Variants in CPNE2 observed in about 807,000 individuals in gnomAD.
CPNE2 encodes the protein copine-2.
CPNE2 carries 42 observed loss-of-function variants against 69.7 expected under a neutral mutation model. That is an observed-to-expected ratio of 0.60 (90% confidence interval 0.47 to 0.78). The LOEUF is 0.78. CPNE2 is among the 30% of genes least tolerant of loss of function. The pLI, the probability that CPNE2 is intolerant of heterozygous loss-of-function variation, is 0.00. For synonymous variants in CPNE2, 294 were observed against 289.8 expected, an observed-to-expected ratio of 1.01 and a Z score of -0.15; for missense variants, 587 against 732.0, an observed-to-expected ratio of 0.80 and a Z score of 2.29.
chr16:57,137,127 C>G (rs373475158), intron 13 of CPNE2, 22 bp from the exon 14 acceptor site: 9 of 1,612,234 alleles, frequency 5.6e-6, no homozygotes, highest in Non-Finnish European at 7.6e-6. Context: ...CCTGGCTGAT[C>G]CAGACTCTTC....
At chr16:57,101,507 A>G (rs959758453) in intron 1 of CPNE2, among the ~76,000 whole-genome samples, 1 of 152,202 alleles carries the variant, frequency 6.6e-6, no homozygotes, top group Non-Finnish European at 1.5e-5. Flanking sequence ...GAGGTTGCAA[A>G]CTCAGAAGTC....
At position 57,128,127 on chromosome 16, in the gene CPNE2, G is replaced by T. The variant is rs564522606; in HGVS notation, c.1116+224G>T. ...TCTGTTTATGAGACCCATGTGGAGT[G>T]GGGGAGACAGATAGGATTGCCAGAT... On this transcript the variant is annotated intron_variant, in intron 12 of 15. Coordinates refer to ENST00000290776, the MANE Select transcript of CPNE2 (RefSeq NM_152727.6). Among the ~76,000 whole-genome samples, 5 of 152,256 alleles carry T rather than the reference G, an allele frequency of 3.3e-5. No homozygotes were observed. In the South Asian group the frequency reaches 1.0e-3, roughly 32 times the overall value.
chr16:57,115,385 C>A, intron 3 of CPNE2, 91 bp from the exon 4 acceptor site: 2 of 1,065,930 alleles, frequency 1.9e-6, no homozygotes, highest in Non-Finnish European at 2.9e-6. Flanking sequence ...GCAGCCCTGC[C>A]AAGAGGATTT....
intron 10 of CPNE2, chr16:57,125,097 T>G: frequency 3.1e-6 from 1 of 324,742 alleles, no homozygotes; most frequent in Non-Finnish European, 6.3e-6. Context: ...TTCCCCGGGG[T>G]CCTACTTCTA....
intron 10 of CPNE2, chr16:57,124,996 T>TGGG (rs2069790340): frequency 3.4e-6 from 1 of 296,806 alleles, no homozygotes; most frequent in Non-Finnish European, 6.9e-6. Flanking sequence ...GCCCCTGACC[T>TGGG]GGGGGAGTGA....
Position 57,148,044 on chromosome 16 carries a change from C to T in CPNE2, c.*386C>T, listed in dbSNP as rs2069973124. The T allele has an allele frequency of 6.0e-6, 1 of 166,878 alleles. No individual in the cohort carries two copies. Among genetic ancestry groups the T allele is most frequent in the African/African-American group, 2.4e-5 (1 of 42,016 alleles). 10.3% of individuals were successfully genotyped at this position (166,878 alleles called of 1,614,324 possible). The stretch of plus-strand genomic sequence containing the variant: ...TGGTGCATACGTGTCGTAGCCTGCA[C>T]CTAATTAATTCCTGCTGTTTTTTTA... On this transcript the variant is annotated 3_prime_UTR_variant, in exon 16 of 16. Coordinates refer to ENST00000290776, the MANE Select transcript of CPNE2 (RefSeq NM_152727.6).
chr16:57,139,931 T>A (rs1332180782), intron 14 of CPNE2, among the ~76,000 whole-genome samples: 2 of 152,054 alleles, frequency 1.3e-5, no homozygotes, highest in Non-Finnish European at 2.9e-5. Flanking sequence ...TAGGATTAAA[T>A]AAGATCACTC....
Position 57,113,363 on chromosome 16 carries a change from G to C in CPNE2, c.256G>C (p.Glu86Gln), listed in dbSNP as rs746510777. The change falls in exon 3 of 16, where the codon GAG becomes CAG. Residue 86 changes from glutamate to glutamine, a missense_variant. Physicochemically the swap from Glu to Gln is conservative, Grantham distance 29. This residue lies in a region of CPNE2 where 34 missense variants were observed against 67.1 expected (regional missense o/e 0.51). Coordinates refer to ENST00000290776, the MANE Select transcript of CPNE2 (RefSeq NM_152727.6). ...SKKFVLDYHF[E>Q]EVQKLKFALF... is the part of the protein sequence containing the mutation. Reference sequence around the variant, plus strand: ...GAAGTTCGTGCTTGACTACCACTTCGAGGAGGTACAGAAGCTCAAGTTCGC... The same window carrying C: ...GAAGTTCGTGCTTGACTACCACTTCCAGGAGGTACAGAAGCTCAAGTTCGC... 1.2e-6 allele frequency: 2 copies of C among 1,614,152 alleles called. No individual in the cohort carries two copies. The highest frequency in any genetic ancestry group is 1.7e-6 in the Non-Finnish European group (2 of 1,180,026).
intron 1 of CPNE2, among the ~76,000 whole-genome samples, chr16:57,096,745 G>A (rs1405574532): frequency 1.3e-5 from 2 of 151,766 alleles, no homozygotes; most frequent in Non-Finnish European, 2.9e-5. Context: ...AAGGAAAGAG[G>A]GATTGCAGGA....
At chr16:57,140,135 C>T (rs1289373265) in intron 14 of CPNE2, among the ~76,000 whole-genome samples, 2 of 152,146 alleles carry the variant, frequency 1.3e-5, no homozygotes, top group African/African-American at 4.8e-5. Context: ...CATGTTTCTT[C>T]TTATGGAATG....
At chr16:57,126,014 T>C in intron 11 of CPNE2, 21 bp downstream of exon 11, 1 of 1,613,518 alleles carries the variant, frequency 6.2e-7, no homozygotes, top group South Asian at 1.1e-5. Context: ...AGAGGGGCTC[T>C]GAAGGTCAGC....
chr16:57,136,384 G>A lies in CPNE2; in HGVS notation c.1169-765G>A, dbSNP rs554016091. On this transcript the variant is annotated intron_variant, in intron 13 of 15. Transcript: ENST00000290776. Reference sequence around the variant, plus strand: ...CGCCTACTCTGTACAGGCACTGTGCGAACGCCTTGATCCCCCAACCACGAA... The same window carrying A: ...CGCCTACTCTGTACAGGCACTGTGCAAACGCCTTGATCCCCCAACCACGAA... Among the ~76,000 whole-genome samples the A allele has an allele frequency of 2.4e-4, 36 of 152,312 alleles. No individual in the cohort carries two copies. In the South Asian group the frequency reaches 4.8e-3, roughly 20 times the overall value.
intron 11 of CPNE2, among the ~76,000 whole-genome samples, chr16:57,126,292 C>T (rs1296858736): frequency 6.6e-6 from 1 of 151,800 alleles, no homozygotes; most frequent in African/African-American, 2.4e-5. Context: ...TGCATCCTCT[C>T]CTTTTAGAGC....
intron 3 of CPNE2, 36 bp from the exon 4 acceptor site, chr16:57,115,440 T>A: frequency 6.5e-7 from 1 of 1,541,778 alleles, no homozygotes; most frequent in Non-Finnish European, 8.9e-7. Context: ...CTTCCCCCGC[T>A]TCCTCACTGA....
At chr16:57,113,218 T>C (rs1179274867) in intron 2 of CPNE2, 70 bp from the exon 3 acceptor site, 13 of 1,446,310 alleles carry the variant, frequency 9.0e-6, no homozygotes, top group South Asian at 1.2e-5. Context: ...GCAGAATGAT[T>C]TCCAGCAGCC....
Position 57,130,171 on chromosome 16 carries a change from G to A in CPNE2, c.1116+2268G>A, listed in dbSNP as rs1238354656. Among the ~76,000 whole-genome samples, 2 of 151,866 alleles carry A rather than the reference G, an allele frequency of 1.3e-5. No homozygotes were observed. The highest frequency in any genetic ancestry group is 2.9e-5 in the Non-Finnish European group (2 of 67,986). On this transcript the variant is annotated intron_variant, in intron 12 of 15. Coordinates refer to ENST00000290776, the MANE Select transcript of CPNE2 (RefSeq NM_152727.6). The surrounding 1 kb of genome is among the most constrained non-coding windows in gnomAD (Gnocchi z 4.1). ...TGAGGAGGGTGGATCACAAGGTGAG[G>A]AGTTCGAGACCAGCCTGGCCAACAT...
intron 1 of CPNE2, among the ~76,000 whole-genome samples, chr16:57,093,318 C>G (rs2145226811): frequency 6.6e-6 from 1 of 152,162 alleles, no homozygotes; most frequent in Non-Finnish European, 1.5e-5. Context: ...GGGCAGCTTC[C>G]CAGAAGTCGG....
At position 57,115,479 on chromosome 16, in the gene CPNE2, G is replaced by A. The variant is rs889643209; in HGVS notation, c.364G>A (p.Val122Ile). Residue 122 changes from valine (V) to isoleucine (I), a missense_variant, in exon 4 of 16, where the codon GTC becomes ATC. Val to Ile is a conservative substitution (Grantham distance 29). Transcript: ENST00000290776. ...GQFSCSLGTIVSSKKITRPLL... is the reference protein window; with the variant it reads ...GQFSCSLGTIISSKKITRPLL... Reference sequence around the variant, plus strand: ...CCCTTTCTCCTCTCTCCCCTAGATCGTCTCCAGCAAGAAGATCACTAGGCC... The same window carrying A: ...CCCTTTCTCCTCTCTCCCCTAGATCATCTCCAGCAAGAAGATCACTAGGCC... 5.6e-6 allele frequency: 9 copies of A among 1,610,768 alleles called. No individual in the cohort carries two copies. Among genetic ancestry groups the A allele is most frequent in the East Asian group, 4.5e-5 (2 of 44,568 alleles).
intron 6 of CPNE2, 138 bp from the exon 7 acceptor site, chr16:57,119,423 C>A: frequency 9.0e-7 from 1 of 1,110,934 alleles, no homozygotes; most frequent in Non-Finnish European, 1.4e-6. Flanking sequence ...TTCCTCCCAG[C>A]CACAGGGACG....
Sources: allele counts gnomAD v4.1 joint callset (sites outside exome capture counted in the v4.1 genomes callset), GRCh38; gene constraint gnomAD v4.1.1; regional missense constraint gnomAD v4.1.1; non-coding constraint Gnocchi (gnomAD v3.1); transcripts MANE v1.5; gene names NCBI Gene and HGNC (gene_info 2026-07-23, HGNC 2026-07-21).